Variants in USP39 observed in about 807,000 individuals in gnomAD.
USP39 encodes the protein ubiquitin carboxyl-terminal hydrolase 39.
In USP39, 38 loss-of-function variants were observed where a neutral mutation model predicts 66.4. That is an observed-to-expected ratio of 0.57 (90% CI 0.44 to 0.75). USP39 has a LOEUF of 0.75. Ranked by LOEUF, USP39 falls within the 30% of genes least tolerant of loss-of-function variation. The pLI is 0.00. For synonymous variants in USP39, 303 were observed against 274.6 expected (o/e 1.10, Z -1.02); for missense variants, 608 against 714.4 (o/e 0.85, Z 1.70).
chr2:85,612,126 G>T, upstream of USP39: 1 of 907,262 alleles, frequency 1.1e-6, no homozygotes, highest in Non-Finnish European at 1.6e-6. Flanking sequence ...CTGGCCAAGC[G>T]ATGCAGCGCA....
intron 6 of USP39, among the ~76,000 whole-genome samples, chr2:85,631,314 T>A (rs923987229): frequency 1.3e-5 from 1 of 75,446 alleles, no homozygotes; most frequent in African/African-American, 9.4e-5. Context: ...GCGCCCGGCC[T>A]TTTTTTTTTT....
At chr2:85,645,694 GC>G (rs1335431023) in intron 11 of USP39, 1 of 152,286 alleles carries the variant, frequency 6.6e-6, no homozygotes, top group Non-Finnish European at 1.5e-5. Context: ...ACGAAGGACA[GC>G]CCGTGTTACA....
intron 5 of USP39, 103 bp downstream of exon 5, chr2:85,625,794 G>A (rs772762658): frequency 9.9e-4 from 1,427 of 1,436,086 alleles, no homozygotes; most frequent in Non-Finnish European, 1.2e-3. Flanking sequence ...CAAGGCAGGC[G>A]GATTGCCTGA....
chr2:85,637,415 A>G lies in USP39; in HGVS notation c.1074A>G (p.Lys358=), dbSNP rs774155972. The stretch of plus-strand genomic sequence containing the variant: ...AGGGGTCCATGAGGATCTTCACTAA[A>G]AAGCTTCCCCATCCTGATCTGGTGA... The part of the protein sequence containing the change: ...VFQGSMRIFT[K]KLPHPDLPAE... The change falls in exon 8 of 13, where the codon AAA becomes AAG. Residue 358 remains lysine (K), a synonymous_variant. Coordinates refer to ENST00000323701, the MANE Select transcript of USP39 (RefSeq NM_006590.4). 4 of 1,614,186 alleles carry G rather than the reference A, an allele frequency of 2.5e-6. No homozygotes were observed. In the South Asian group the frequency reaches 4.4e-5, roughly 18 times the overall value.
In USP39 at chr2:85,648,875, G is replaced by A. The variant is rs1474349652; in HGVS notation, c.*67G>A. 2.5e-6 allele frequency: 4 copies of A among 1,593,926 alleles called. No individual in the cohort carries two copies. Among genetic ancestry groups the A allele is most frequent in the Non-Finnish European group, 2.6e-6 (3 of 1,164,366 alleles). On this transcript the variant is annotated 3_prime_UTR_variant, in exon 13 of 13. Transcript: ENST00000323701. ...GATGGTAAATAAGAACACAGAAGCT[G>A]TAGCTGAACACAGGCTGGCTGGTGG...
upstream of USP39, chr2:85,612,394 G>C: frequency 6.5e-7 from 1 of 1,534,342 alleles, no homozygotes; most frequent in South Asian, 1.2e-5. Context: ...CGCCATCTGC[G>C]TGACTTTGGC....
chr2:85,618,464 AG>A (rs1383688797), intron 1 of USP39, among the ~76,000 whole-genome samples: 2 of 149,858 alleles, frequency 1.3e-5, no homozygotes, highest in African/African-American at 2.4e-5. Context: ...CGGGAGGCTG[AG>A]GCAGGAGAAT....
intron 5 of USP39, among the ~76,000 whole-genome samples, chr2:85,626,725 T>TC (rs1341284649): frequency 6.6e-6 from 1 of 151,996 alleles, no homozygotes; most frequent in African/African-American, 2.4e-5. Flanking sequence ...ATTTTCTTTT[T>TC]TTTTTTTTTT....
At chr2:85,625,450 G>T in intron 4 of USP39, 89 bp from the exon 5 acceptor site, 1 of 1,558,400 alleles carries the variant, frequency 6.4e-7, no homozygotes, top group Non-Finnish European at 8.8e-7. Context: ...TCATGGCCAA[G>T]TGTTTTTTGT....
chr2:85,604,602 G>A (rs1673150732), intron 1 of USP39, among the ~76,000 whole-genome samples: 1 of 152,192 alleles, frequency 6.6e-6, no homozygotes, highest in East Asian at 1.9e-4. Flanking sequence ...AAGCACACCT[G>A]GCTGAATAAA....
At chr2:85,609,192 C>A (rs2104145971), upstream of USP39, 1 of 1,369,376 alleles carries the variant, frequency 7.3e-7, no homozygotes. Context: ...CCTGTCATTT[C>A]CTATGTGTCT....
chr2:85,622,528 A>C (rs1244112837), intron 3 of USP39, among the ~76,000 whole-genome samples: 1 of 151,614 alleles, frequency 6.6e-6, no homozygotes, highest in African/African-American at 2.4e-5. Flanking sequence ...CTGGGATTAT[A>C]GATGTGAGCC....
At position 85,616,343 on chromosome 2, in the gene USP39, G is replaced by T; in HGVS notation, c.148G>T (p.Val50Leu). Residue 50 changes from valine (V) to leucine (L), a missense_variant, in exon 1 of 13, where the codon GTG becomes TTG. Coordinates refer to ENST00000323701, the MANE Select transcript of USP39 (RefSeq NM_006590.4). ...AASSRGSPVR[V>L]KREFEPASAR... ...GAGCTCCCGGGGCAGCCCTGTGCGC[G>T]TGAAGCGGGAGTTCGAGCCGGCGAG... The T allele has an allele frequency of 2.5e-6, 4 of 1,601,130 alleles. No individual in the cohort carries two copies. Among genetic ancestry groups the T allele is most frequent in the Non-Finnish European group, 3.4e-6 (4 of 1,174,044 alleles).
chr2:85,616,225 C>G lies in USP39; in HGVS notation c.30C>G (p.Arg10=). Residue 10 remains arginine (R), a synonymous_variant, in exon 1 of 13, where the codon CGC becomes CGG. Coordinates refer to ENST00000323701, the MANE Select transcript of USP39 (RefSeq NM_006590.4). MSGRSKRES[R]GSTRGKRESE... ...CCGGCCGGTCTAAGCGGGAGTCTCG[C>G]GGTTCCACTCGCGGGAAGCGAGAGT... The G allele has an allele frequency of 1.3e-6, 2 of 1,484,008 alleles. No individual in the cohort carries two copies. Among genetic ancestry groups the G allele is most frequent in the Non-Finnish European group, 1.8e-6 (2 of 1,115,648 alleles). 91.9% of individuals were successfully genotyped at this position (1,484,008 alleles called of 1,614,324 possible). A position where few individuals can be genotyped will look rare whatever the true frequency, so the allele number is the denominator to read the frequency against.
At chr2:85,617,516 C>T (rs189971210) in intron 1 of USP39, among the ~76,000 whole-genome samples, 41 of 152,178 alleles carry the variant, frequency 2.7e-4, no homozygotes, top group Admixed American at 1.5e-3. Context: ...CCCTACAAAA[C>T]GAGGAGACAA....
At chr2:85,633,063 CT>C (rs1424541411) in intron 6 of USP39, among the ~76,000 whole-genome samples, 1 of 136,630 alleles carries the variant, frequency 7.3e-6, no homozygotes, top group Non-Finnish European at 1.6e-5. Context: ...AGATGGCCTG[CT>C]TTATAAGCTA....
At chr2:85,605,048 G>A (rs1044347224) in intron 1 of USP39, among the ~76,000 whole-genome samples, 2 of 152,176 alleles carry the variant, frequency 1.3e-5, no homozygotes, top group East Asian at 3.8e-4. Flanking sequence ...AGTAGGACCA[G>A]ATGTCTTTAA....
At chr2:85,648,404 G>A (rs1046081105) in intron 12 of USP39, among the ~76,000 whole-genome samples, 3 of 152,120 alleles carry the variant, frequency 2.0e-5, no homozygotes, top group Non-Finnish European at 4.4e-5. Flanking sequence ...CTTTCTACTT[G>A]ACGTTTGTTT....
chr2:85,646,968 A>G (rs1202694301), intron 11 of USP39, among the ~76,000 whole-genome samples: 1 of 149,530 alleles, frequency 6.7e-6, no homozygotes, highest in Non-Finnish European at 1.5e-5. Context: ...GCTCACTGCA[A>G]CCTCCACCTC....
Sources: gnomAD v4.1 joint callset for allele counts (sites outside exome capture counted in the v4.1 genomes callset) on GRCh38, gnomAD v4.1.1 for gene constraint, MANE v1.5 for transcripts, NCBI Gene and HGNC (gene_info 2026-07-23, HGNC 2026-07-21) for gene names.